RASA2: variants seen among roughly 807,000 people sequenced by gnomAD.
The protein encoded by RASA2 is RAS p21 protein activator 2.
Under a neutral mutation model 118.2 loss-of-function variants are expected in RASA2, and 155 were observed. That is an observed-to-expected ratio of 1.31 (90% CI 1.15 to 1.50). RASA2 has a LOEUF of 1.50. RASA2 is among the 40% of genes most tolerant of loss of function. The pLI, the probability that RASA2 is intolerant of heterozygous loss-of-function variation, is 0.00. For synonymous variants in RASA2, 353 were observed against 349.1 expected, an observed-to-expected ratio of 1.01 and a Z score of -0.12; for missense variants, 1,016 against 1,009.6, an observed-to-expected ratio of 1.01 and a Z score of -0.09.
At chr3:141,579,419 A>G (rs573592379) in intron 15 of RASA2, 6 of 152,316 alleles carry the variant, frequency 3.9e-5, no homozygotes, top group South Asian at 2.1e-4. Flanking sequence ...ATATGCTACT[A>G]TATATTACTT....
intron 17 of RASA2, among the ~76,000 whole-genome samples, chr3:141,585,001 G>A (rs954459051): frequency 1.3e-5 from 2 of 152,030 alleles, no homozygotes; most frequent in Non-Finnish European, 2.9e-5. Flanking sequence ...AAAGTTTTGG[G>A]TTTTGGAACA....
intron 3 of RASA2, among the ~76,000 whole-genome samples, chr3:141,518,168 T>C (rs893635489): frequency 2.0e-5 from 3 of 151,852 alleles, no homozygotes; most frequent in Admixed American, 6.6e-5. Context: ...TGAAATATGG[T>C]CAAGTCTCCT....
At chr3:141,539,046 T>C (rs2082368505) in intron 4 of RASA2, among the ~76,000 whole-genome samples, 1 of 152,230 alleles carries the variant, frequency 6.6e-6, no homozygotes, top group South Asian at 2.1e-4. Context: ...CAAATTTTTG[T>C]GCCGTTGGCT....
Position 141,487,177 on chromosome 3 carries a change from C to G in RASA2, c.94C>G (p.Arg32Gly), listed in dbSNP as rs1396381787. The change falls in exon 1 of 24, where the codon CGC becomes GGC. Residue 32 changes from arginine to glycine, a missense_variant. By Grantham distance (125) the Arg-to-Gly change is moderately radical. Around this residue, in one of 2 missense-constraint regions of RASA2, gnomAD observed 896 missense variants for 836.4 expected, o/e 1.07. Transcript: ENST00000286364. ...GCCCGAGGCCGGGGACCAGGACAGT[C>G]GCGAGGTTCGAGTGTTGCAGAGCCT... is the stretch of plus-strand genomic sequence containing the variant. ...AEPEAGDQDS[R>G]EVRVLQSLRG... 1 of 1,465,160 alleles carries G rather than the reference C, an allele frequency of 6.8e-7. No individual in the cohort carries two copies. The highest frequency in any genetic ancestry group is 1.3e-5 in the South Asian group (1 of 75,668). 90.8% of individuals were successfully genotyped at this position (1,465,160 alleles called of 1,614,324 possible).
rs1169587141 is a variant in RASA2 at position 141,558,917 on chromosome 3, C to G, written c.716C>G (p.Ser239Cys). ...AGATCCAGTAGTTACACCAGAAAGT[C>G]CCAGTTCCAGGTAGAAGAGGAGGAC... ...VTRSSSYTRK[S>C]QFQVEEEDIE... is the part of the protein sequence containing the mutation. Residue 239 changes from serine (S) to cysteine (C), a missense_variant, in exon 8 of 24, where the codon TCC becomes TGC. By Grantham distance (112) the Ser-to-Cys change is moderately radical (BLOSUM62 -1). Around this residue, in one of 2 missense-constraint regions of RASA2, gnomAD observed 896 missense variants for 836.4 expected, o/e 1.07. Coordinates refer to ENST00000286364, the MANE Select transcript of RASA2 (RefSeq NM_006506.5). 1.2e-6 allele frequency: 2 copies of G among 1,607,654 alleles called. No individual in the cohort carries two copies. The highest frequency in any genetic ancestry group is 2.7e-5 in the African/African-American group (2 of 74,712).
intron 9 of RASA2, among the ~76,000 whole-genome samples, chr3:141,567,137 C>T (rs1328894006): frequency 6.6e-6 from 1 of 152,120 alleles, no homozygotes; most frequent in Non-Finnish European, 1.5e-5. Context: ...AATTCCAGGC[C>T]AGGCATGGTG....
intron 19 of RASA2, chr3:141,590,068 T>C (rs1194202259): frequency 2.2e-6 from 1 of 452,968 alleles, no homozygotes; most frequent in Non-Finnish European, 4.4e-6. Context: ...ATGCTTTTTG[T>C]TTTAACTATT....
intron 5 of RASA2, among the ~76,000 whole-genome samples, chr3:141,545,573 G>A (rs1476502153): frequency 2.0e-5 from 3 of 146,760 alleles, no homozygotes; most frequent in African/African-American, 5.1e-5. Context: ...CTCAGCCTCC[G>A]AGTAGCTGGG....
At chr3:141,593,021 G>C (rs988663857) in intron 19 of RASA2, among the ~76,000 whole-genome samples, 1 of 152,102 alleles carries the variant, frequency 6.6e-6, no homozygotes, top group Non-Finnish European at 1.5e-5. Flanking sequence ...TGAAGAATTT[G>C]ACCCTTGAAA....
intron 19 of RASA2, among the ~76,000 whole-genome samples, chr3:141,601,519 T>A (rs2083464170): frequency 6.6e-6 from 1 of 152,158 alleles, no homozygotes. Flanking sequence ...GAAACCATGA[T>A]ATGCTAGGAT....
At chr3:141,573,477 T>C (rs554193935) in intron 13 of RASA2, among the ~76,000 whole-genome samples, 1 of 152,336 alleles carries the variant, frequency 6.6e-6, no homozygotes, top group African/African-American at 2.4e-5. Context: ...AAGCTATAGC[T>C]AGTTGCAGCC....
intron 17 of RASA2, among the ~76,000 whole-genome samples, chr3:141,581,456 A>C (rs2083112383): frequency 6.6e-6 from 1 of 152,162 alleles, no homozygotes; most frequent in Non-Finnish European, 1.5e-5. Flanking sequence ...CACTATTGGC[A>C]TTTGGGGCCA....
intron 4 of RASA2, among the ~76,000 whole-genome samples, chr3:141,537,769 A>G (rs1227798261): frequency 6.6e-6 from 1 of 152,166 alleles, no homozygotes; most frequent in Non-Finnish European, 1.5e-5. Flanking sequence ...ACTCTGTCTC[A>G]AAGAAAAAAA....
chr3:141,516,171 G>A (rs1440836415), intron 2 of RASA2, among the ~76,000 whole-genome samples, 157 bp from the exon 3 acceptor site: 1 of 151,288 alleles, frequency 6.6e-6, no homozygotes, highest in Non-Finnish European at 1.5e-5. Flanking sequence ...TGCACGTTGT[G>A]CACATGTACC....
chr3:141,557,050 C>G (rs534481053), intron 7 of RASA2, among the ~76,000 whole-genome samples: 1 of 152,200 alleles, frequency 6.6e-6, no homozygotes, highest in Non-Finnish European at 1.5e-5. Flanking sequence ...ACTAAAGGCA[C>G]TCACACTCCC....
intron 5 of RASA2, 121 bp downstream of exon 5, chr3:141,540,730 G>A: frequency 2.6e-6 from 2 of 760,766 alleles, no homozygotes; most frequent in Non-Finnish European, 4.3e-6. Context: ...ATTCTGCTAT[G>A]TCATTCCTTT....
chr3:141,549,979 C>T (rs915152623), intron 5 of RASA2, among the ~76,000 whole-genome samples: 3 of 151,988 alleles, frequency 2.0e-5, no homozygotes, highest in South Asian at 4.1e-4. Context: ...TAAATATAAG[C>T]GAATACTGGT....
Position 141,573,213 on chromosome 3 carries a change from A to C in RASA2, c.1351A>C (p.Asn451His). The change falls in exon 13 of 24, where the codon AAT (asparagine) becomes CAT (histidine). Residue 451 changes from asparagine (N) to histidine (H), a missense_variant. By Grantham distance (68) the Asn-to-His change is moderately conservative. This residue lies in a region of RASA2 where 896 missense variants were observed against 836.4 expected (regional missense o/e 1.07). Coordinates refer to ENST00000286364, the MANE Select transcript of RASA2 (RefSeq NM_006506.5). ...IKLKEGDNVE[N>H]NKENLRYYVD... ...ATTGAAAGAGGGAGATAATGTAGAA[A>C]ATAATAAGGTAAGTCCTTGTTATAT... is the stretch of plus-strand genomic sequence containing the variant. 1 of 1,543,016 alleles carries C rather than the reference A, an allele frequency of 6.5e-7. No individual in the cohort carries two copies. Among genetic ancestry groups the C allele is most frequent in the East Asian group, 2.4e-5 (1 of 41,246 alleles).
At chr3:141,487,524 G>T (rs1474003804) in intron 1 of RASA2, among the ~76,000 whole-genome samples, 1 of 151,928 alleles carries the variant, frequency 6.6e-6, no homozygotes, top group Admixed American at 6.5e-5. Context: ...ACGCGGGGAC[G>T]CTGGAGTCCG....
Sources: allele counts gnomAD v4.1 joint callset (sites outside exome capture counted in the v4.1 genomes callset), GRCh38; gene constraint gnomAD v4.1.1; regional missense constraint gnomAD v4.1.1; transcripts MANE v1.5; gene names NCBI Gene and HGNC (gene_info 2026-07-23, HGNC 2026-07-21).